Variants in PACRG observed in about 807,000 individuals in gnomAD.
PACRG encodes the protein parkin coregulated.
Under a neutral mutation model 29.7 loss-of-function variants are expected in PACRG, and 29 were observed. That is an observed-to-expected ratio of 0.98 (90% CI 0.73 to 1.33). PACRG has a LOEUF of 1.33. Ranked by LOEUF, PACRG falls within the 40% of genes most tolerant of loss-of-function variation. The probability of loss-of-function intolerance (pLI) is 0.00; values close to 1 mark genes in which losing one functional copy is unlikely to be tolerated. For missense variants in PACRG, 279 were observed against 316.2 expected (o/e 0.88, Z 0.89); for synonymous variants, 116 against 118.7 (o/e 0.98, Z 0.15).
At chr6:162,986,144 T>G (rs1802866416) in intron 2 of PACRG, among the ~76,000 whole-genome samples, 1 of 151,996 alleles carries the variant, frequency 6.6e-6, no homozygotes. Flanking sequence ...CTGCCAAAAG[T>G]AATTTACAAA....
chr6:163,196,035 G>C (rs142909922), intron 4 of PACRG, among the ~76,000 whole-genome samples: 1 of 152,124 alleles, frequency 6.6e-6, no homozygotes, highest in Non-Finnish European at 1.5e-5. Context: ...CCCAGACCCC[G>C]TCCCTCCAGT....
intron 1 of PACRG, among the ~76,000 whole-genome samples, chr6:162,792,853 G>A (rs1377538924): frequency 1.3e-5 from 2 of 152,184 alleles, no homozygotes; most frequent in Non-Finnish European, 2.9e-5. Flanking sequence ...TTCAGAAAAG[G>A]AGATGTGTAG....
chr6:163,280,719 C>G (rs1295415507), intron 4 of PACRG, among the ~76,000 whole-genome samples: 1 of 152,168 alleles, frequency 6.6e-6, no homozygotes, highest in Non-Finnish European at 1.5e-5. Flanking sequence ...CATGGCCTTT[C>G]CTGGATGCAT....
intron 3 of PACRG, among the ~76,000 whole-genome samples, chr6:163,065,830 G>T (rs1467488826): frequency 6.6e-6 from 1 of 152,178 alleles, no homozygotes; most frequent in African/African-American, 2.4e-5. Flanking sequence ...CTCCATAGAA[G>T]TATAGAGAAT....
chr6:163,268,753 C>T (rs1387254756), intron 4 of PACRG, among the ~76,000 whole-genome samples: 2 of 152,082 alleles, frequency 1.3e-5, no homozygotes, highest in Non-Finnish European at 2.9e-5. Flanking sequence ...TCCATGCCTC[C>T]TTGAAAAGTA....
chr6:163,024,944 T>G (rs745428665), intron 2 of PACRG, among the ~76,000 whole-genome samples: 6 of 152,158 alleles, frequency 3.9e-5, no homozygotes, highest in Admixed American at 1.3e-4. Flanking sequence ...TAAATGTGAT[T>G]CAGCACATAA....
chr6:163,028,944 A>T (rs1433362788), intron 2 of PACRG, among the ~76,000 whole-genome samples: 1 of 152,228 alleles, frequency 6.6e-6, no homozygotes, highest in East Asian at 1.9e-4. Flanking sequence ...CGTCCTACAC[A>T]GCAAAAGGGA....
intron 2 of PACRG, among the ~76,000 whole-genome samples, chr6:162,820,110 C>T (rs553053392): frequency 5.3e-5 from 8 of 152,272 alleles, no homozygotes; most frequent in South Asian, 2.1e-4. Flanking sequence ...ATGACAAATT[C>T]GCTTCCCTTT....
chr6:163,072,372 A>T (rs1403094018), intron 3 of PACRG, among the ~76,000 whole-genome samples: 1 of 152,150 alleles, frequency 6.6e-6, no homozygotes, highest in Admixed American at 6.5e-5. Context: ...GATCCTTTCA[A>T]TTTGTCCTGA....
In PACRG at chr6:163,078,494, CA is replaced by C. The variant is rs1005717885; in HGVS notation, c.464-10756del. On this transcript the variant is annotated intron_variant, in intron 3 of 4. Coordinates refer to ENST00000366888, the MANE Select transcript of PACRG (RefSeq NM_001080379.2). The stretch of plus-strand genomic sequence containing the variant: ...GGGCAACAAGAGCAAAATTTAGTCT[CA>C]AAAAAAAAGGGGGGGAGGGGGGCAA... Among the ~76,000 whole-genome samples the C allele has an allele frequency of 2.1e-4, 18 of 87,662 alleles. No individual in the cohort carries two copies. The East Asian group carries it at 2.6e-3, about 13-fold the overall frequency. The allele number at this position is 87,662 out of a possible 152,430, so 57.5% of individuals were successfully genotyped here. A position where few individuals can be genotyped will look rare whatever the true frequency, so the allele number is the denominator to read the frequency against.
At chr6:163,248,613 G>A (rs779663192) in intron 4 of PACRG, among the ~76,000 whole-genome samples, 1 of 152,096 alleles carries the variant, frequency 6.6e-6, no homozygotes, top group Non-Finnish European at 1.5e-5. Context: ...TTCCCATGAA[G>A]CCACAGAATT....
intron 2 of PACRG, among the ~76,000 whole-genome samples, chr6:162,959,939 G>A (rs1319806651): frequency 6.6e-6 from 1 of 152,114 alleles, no homozygotes; most frequent in Non-Finnish European, 1.5e-5. Context: ...ATTAAAAAGC[G>A]GGCAAAGGAC....
chr6:163,242,577 G>A (rs1293644552), intron 4 of PACRG, among the ~76,000 whole-genome samples: 9 of 152,194 alleles, frequency 5.9e-5, no homozygotes, highest in Non-Finnish European at 1.0e-4. Context: ...AGGCACAGAA[G>A]GGTGATGGGA....
intron 4 of PACRG, among the ~76,000 whole-genome samples, chr6:163,124,219 A>G (rs938686536): frequency 2.0e-5 from 3 of 152,196 alleles, no homozygotes; most frequent in East Asian, 1.9e-4. Flanking sequence ...ATGGTTTGCA[A>G]ATATGTTCTC....
chr6:163,005,778 AACGT>A (rs1454353817), intron 2 of PACRG, among the ~76,000 whole-genome samples: 1 of 147,772 alleles, frequency 6.8e-6, no homozygotes, highest in African/African-American at 2.5e-5. Flanking sequence ...ATATATATAA[AACGT>A]AGTTATACAT....
chr6:163,108,392 CTTTTTTTTTTT>C (rs528887997), intron 4 of PACRG, among the ~76,000 whole-genome samples: 3 of 90,540 alleles, frequency 3.3e-5, no homozygotes, highest in African/African-American at 4.3e-5. Context: ...TTCTCTTTCC[CTTTTTTTTTTT>C]TTTTTTTTTT....
intron 4 of PACRG, among the ~76,000 whole-genome samples, chr6:163,304,359 G>A (rs1785118012): frequency 6.6e-6 from 1 of 152,158 alleles, no homozygotes; most frequent in Non-Finnish European, 1.5e-5. Context: ...ATCAGTATCT[G>A]GATCCAGTAA....
intron 2 of PACRG, among the ~76,000 whole-genome samples, chr6:162,929,068 C>A (rs552689058): frequency 6.6e-6 from 1 of 152,094 alleles, no homozygotes; most frequent in East Asian, 1.9e-4. Context: ...AATAGTGCTC[C>A]AATAAACATG....
intron 2 of PACRG, among the ~76,000 whole-genome samples, chr6:162,848,242 T>C (rs1167251449): frequency 6.6e-6 from 1 of 152,184 alleles, no homozygotes; most frequent in African/African-American, 2.4e-5. Flanking sequence ...CTTCACCTTC[T>C]TCAAAATAGC....
Sources: allele counts gnomAD v4.1 joint callset (sites outside exome capture counted in the v4.1 genomes callset), GRCh38; gene constraint gnomAD v4.1.1; transcripts MANE v1.5; gene names NCBI Gene and HGNC (gene_info 2026-07-23, HGNC 2026-07-21).